Variants in CPVL observed in about 807,000 individuals in gnomAD.
The protein encoded by CPVL is probable serine carboxypeptidase CPVL.
Under a neutral mutation model 63.7 loss-of-function variants are expected in CPVL, and 51 were observed. The ratio of observed to expected loss-of-function variants is 0.80; its 90% CI spans 0.64 to 1.01. The LOEUF (loss-of-function observed/expected upper bound fraction) is 1.01, where lower values mean the gene tolerates loss of function less well. CPVL is among the 50% of genes least tolerant of loss of function. The pLI, the probability that CPVL is intolerant of heterozygous loss-of-function variation, is 0.00. For missense variants in CPVL, 530 were observed against 573.1 expected, an observed-to-expected ratio of 0.92 and a Z score of 0.77; for synonymous variants, 195 against 206.0, an observed-to-expected ratio of 0.95 and a Z score of 0.46.
At chr7:29,084,273 C>G (rs1471887568) in intron 7 of CPVL, among the ~76,000 whole-genome samples, 3 of 152,220 alleles carry the variant, frequency 2.0e-5, no homozygotes, top group African/African-American at 7.2e-5. Flanking sequence ...CTGTGCTTTT[C>G]CTTGAACCTG....
rs140582819 is a variant in CPVL at position 29,161,110 on chromosome 7, G to A, written c.-11+20180C>T. 6.3e-4 allele frequency among the ~76,000 whole-genome samples: 95 copies of A among 151,948 alleles called. 2 individuals carry two copies. In the East Asian group the frequency reaches 0.016, roughly 25 times the overall value. ...ACCAGATATTATCTTAAACCCCTTC[G>A]TTCTACCTTATCTATGATGAGCAAG... On this transcript the variant is annotated intron_variant, in intron 5 of 16. Coordinates refer to the CPVL transcript ENST00000409850.
intron 1 of CPVL, chr7:29,195,010 G>C: frequency 1.3e-6 from 2 of 1,583,186 alleles, no homozygotes; most frequent in Non-Finnish European, 1.7e-6. Context: ...AGCCCGTCGG[G>C]CGCTGCTGCC....
chr7:29,015,776 C>T (rs1475670838), intron 12 of CPVL, among the ~76,000 whole-genome samples: 2 of 152,196 alleles, frequency 1.3e-5, no homozygotes, highest in East Asian at 3.9e-4. Context: ...CTTAAAGACA[C>T]TGTGGGGTGG....
intron 1 of CPVL, among the ~76,000 whole-genome samples, chr7:29,136,345 T>G (rs1337334647): frequency 6.6e-6 from 1 of 152,208 alleles, no homozygotes; most frequent in East Asian, 1.9e-4. Context: ...TGGATTGCAA[T>G]TATAGTATAC....
At chr7:29,190,233 G>A (rs756034286) in intron 1 of CPVL, among the ~76,000 whole-genome samples, 6 of 152,198 alleles carry the variant, frequency 3.9e-5, no homozygotes, top group Non-Finnish European at 8.8e-5. Flanking sequence ...AGAAATTGAT[G>A]GCAAAAGGAC....
intron 11 of CPVL, among the ~76,000 whole-genome samples, chr7:29,048,268 A>G (rs1472973311): frequency 6.6e-6 from 1 of 152,178 alleles, no homozygotes; most frequent in Non-Finnish European, 1.5e-5. Flanking sequence ...AAAGATACAG[A>G]ACTGCAAAAT....
intron 11 of CPVL, among the ~76,000 whole-genome samples, chr7:29,063,467 G>A (rs1045799698): frequency 2.0e-5 from 3 of 152,126 alleles, no homozygotes; most frequent in Non-Finnish European, 4.4e-5. Context: ...TCATCTTTTT[G>A]GCTCTGCAAC....
Position 29,146,185 on chromosome 7 carries a change from T to C in CPVL, c.-11+244A>G, listed in dbSNP as rs535821482. ...CCTGGAAGAACCCCGGGTGCGACAG[T>C]TGTGCCAGGAAACTTCAAGAGTATT... On this transcript the variant is annotated intron_variant, in intron 1 of 12. Coordinates refer to ENST00000265394, the MANE Select transcript of CPVL (RefSeq NM_031311.5). 2.0e-4 allele frequency: 32 copies of C among 161,518 alleles called. No individual in the cohort carries two copies. The South Asian group carries it at 5.6e-3, about 28-fold the overall frequency. The allele number at this position is 161,518 out of a possible 1,614,324, so 10.0% of individuals were successfully genotyped here. A position where few individuals can be genotyped will look rare whatever the true frequency, so the allele number is the denominator to read the frequency against.
intron 6 of CPVL, among the ~76,000 whole-genome samples, chr7:29,088,260 A>G (rs547065550): frequency 6.6e-6 from 1 of 152,332 alleles, no homozygotes; most frequent in South Asian, 2.1e-4. Flanking sequence ...GAATATACTT[A>G]CATTAAAATT....
intron 3 of CPVL, among the ~76,000 whole-genome samples, chr7:29,109,462 A>G (rs986892276): frequency 4.7e-4 from 72 of 152,094 alleles, no homozygotes; most frequent in African/African-American, 1.6e-3. Context: ...CAATGAACTA[A>G]TATCTCTGCC....
At chr7:29,030,553 G>C (rs1208196554) in intron 12 of CPVL, 24 bp downstream of exon 12, 1 of 1,599,226 alleles carries the variant, frequency 6.3e-7, no homozygotes, top group South Asian at 1.1e-5. Context: ...CCCACAACCT[G>C]CCTGCTCCCA....
intron 2 of CPVL, among the ~76,000 whole-genome samples, chr7:29,115,641 C>CAA (rs11342685): frequency 6.9e-6 from 1 of 144,142 alleles, no homozygotes; most frequent in African/African-American, 2.5e-5. Flanking sequence ...CCCTGCCTCC[C>CAA]AAAAAAAAAA....
chr7:29,046,774 A>G (rs1789664497), intron 11 of CPVL, among the ~76,000 whole-genome samples: 1 of 152,188 alleles, frequency 6.6e-6, no homozygotes, highest in Non-Finnish European at 1.5e-5. Flanking sequence ...CAAAGAGCAG[A>G]GATTTCAAAG....
At chr7:29,125,592 C>CTCT (rs1383110925) in intron 1 of CPVL, among the ~76,000 whole-genome samples, 1 of 151,878 alleles carries the variant, frequency 6.6e-6, no homozygotes. Flanking sequence ...GGGGTTTCAC[C>CTCT]ACGTTGGCCA....
At chr7:29,109,519 T>A (rs1458547543) in intron 3 of CPVL, among the ~76,000 whole-genome samples, 1 of 152,178 alleles carries the variant, frequency 6.6e-6, no homozygotes, top group African/African-American at 2.4e-5. Context: ...ACCTGCTTTA[T>A]CTCCTTCACC....
intron 12 of CPVL, chr7:29,010,541 G>GCTA (rs1002098099): frequency 5.9e-5 from 9 of 152,224 alleles, no homozygotes; most frequent in Admixed American, 5.9e-4. Flanking sequence ...ATCCCTCTCT[G>GCTA]CTACTACTAC....
chr7:29,155,614 T>C (rs759630359), intron 5 of CPVL, among the ~76,000 whole-genome samples: 2 of 152,210 alleles, frequency 1.3e-5, no homozygotes. Context: ...CACCTCTTTG[T>C]CTAGCTGCCT....
intron 12 of CPVL, among the ~76,000 whole-genome samples, chr7:29,025,120 A>G (rs1312743321): frequency 6.6e-6 from 1 of 152,222 alleles, no homozygotes; most frequent in Non-Finnish European, 1.5e-5. Context: ...TAAAAGACAT[A>G]AACCGGCTGA....
At chr7:29,070,538 G>A (rs578222876) in intron 9 of CPVL, among the ~76,000 whole-genome samples, 1 of 152,338 alleles carries the variant, frequency 6.6e-6, no homozygotes, top group Admixed American at 6.5e-5. Context: ...TACTGTCATT[G>A]CAAGTGGAAG....
Sources: allele counts gnomAD v4.1 joint callset (sites outside exome capture counted in the v4.1 genomes callset), GRCh38; gene constraint gnomAD v4.1.1; transcripts MANE v1.5; gene names NCBI Gene and HGNC (gene_info 2026-07-23, HGNC 2026-07-21).